DNAH12: variants seen among roughly 807,000 people sequenced by gnomAD.
DNAH12 encodes axonemal beta dynein heavy chain 12.
Under a neutral mutation model 371.5 loss-of-function variants are expected in DNAH12, and 285 were observed. The ratio of observed to expected loss-of-function variants is 0.77; its 90% CI spans 0.70 to 0.85. The LOEUF is 0.85. Among genes scored for constraint, DNAH12 ranks in the 40% least tolerant of loss-of-function variants. DNAH12 has a pLI of 0.00. For synonymous variants in DNAH12, 1,200 were observed against 1,213.0 expected, an observed-to-expected ratio of 0.99 and a Z score of 0.22; for missense variants, 3,611 against 3,689.4, an observed-to-expected ratio of 0.98 and a Z score of 0.55.
chr3:57,403,967 C>A (rs1553680072), intron 42 of DNAH12, among the ~76,000 whole-genome samples: 1 of 152,150 alleles, frequency 6.6e-6, no homozygotes, highest in African/African-American at 2.4e-5. Flanking sequence ...CTTACAGTAT[C>A]TGCCAGTCCT....
chr3:57,377,601 G>GTT (rs1417935871), intron 52 of DNAH12, among the ~76,000 whole-genome samples: 2 of 148,104 alleles, frequency 1.4e-5, no homozygotes, highest in Non-Finnish European at 3.0e-5. Context: ...TGTTTTGGGT[G>GTT]TTTTTTTTTT....
chr3:57,322,390 G>A lies in DNAH12; in HGVS notation c.10477C>T (p.Pro3493Ser), dbSNP rs1344628203. The A allele has an allele frequency of 6.4e-7, 1 of 1,551,926 alleles. No homozygotes were observed. Among genetic ancestry groups the A allele is most frequent in the South Asian group, 1.2e-5 (1 of 84,026 alleles). Residue 3493 changes from proline (P) to serine (S), a missense_variant, in exon 65 of 74, where the codon CCA (proline) becomes TCA (serine). By Grantham distance (74) the Pro-to-Ser change is moderately conservative (BLOSUM62 -1). This residue lies in a region of DNAH12 where 2,266 missense variants were observed against 2,236.9 expected (regional missense o/e 1.01). Coordinates refer to ENST00000495027, the MANE Select transcript of DNAH12 (RefSeq NM_001366028.2). ...LNLLQSYLTDPVSDPEFFKGC... is the reference protein window; with the variant it reads ...LNLLQSYLTDSVSDPEFFKGC... Reference sequence around the variant, plus strand: ...TTGAAAAACTCAGGATCAGAAACTGGATCAGTGAGATATGATTGAAGGAGA... The same window carrying A: ...TTGAAAAACTCAGGATCAGAAACTGAATCAGTGAGATATGATTGAAGGAGA...
chr3:57,474,402 T>C (rs890032722), intron 13 of DNAH12, among the ~76,000 whole-genome samples: 24 of 152,162 alleles, frequency 1.6e-4, no homozygotes, highest in Admixed American at 1.5e-3. Flanking sequence ...GTTCAAGCGA[T>C]TCTCTTGCCT....
At chr3:57,467,765 T>C (rs2066248894) in intron 17 of DNAH12, among the ~76,000 whole-genome samples, 1 of 152,130 alleles carries the variant, frequency 6.6e-6, no homozygotes, top group African/African-American at 2.4e-5. Flanking sequence ...TGCCCCAGTT[T>C]TGCCAGATCT....
chr3:57,518,990 G>A (rs1208996755), intron 4 of DNAH12, among the ~76,000 whole-genome samples: 1 of 152,304 alleles, frequency 6.6e-6, no homozygotes, highest in East Asian at 1.9e-4. Context: ...AGAAATAATA[G>A]AGAACCAGAT....
At chr3:57,339,519 C>G (rs1161537833) in intron 60 of DNAH12, among the ~76,000 whole-genome samples, 2 of 151,946 alleles carry the variant, frequency 1.3e-5, no homozygotes, top group African/African-American at 4.8e-5. Context: ...TTCTACTGTT[C>G]TGTAGCACTG....
intron 13 of DNAH12, among the ~76,000 whole-genome samples, chr3:57,475,712 T>C (rs576952871): frequency 5.9e-5 from 9 of 151,776 alleles, no homozygotes; most frequent in Non-Finnish European, 1.3e-4. Flanking sequence ...ATTCATTTCT[T>C]TTTAGGAAAA....
chr3:57,324,421 T>C (rs535353656), intron 62 of DNAH12, among the ~76,000 whole-genome samples: 10 of 152,204 alleles, frequency 6.6e-5, no homozygotes, highest in Non-Finnish European at 1.5e-4. Flanking sequence ...CCATGATATC[T>C]TGATATTTGG....
intron 37 of DNAH12, among the ~76,000 whole-genome samples, chr3:57,416,339 G>A (rs1217729676): frequency 6.6e-6 from 1 of 152,084 alleles, no homozygotes; most frequent in African/African-American, 2.4e-5. Context: ...TGATCCTCTT[G>A]TCCCAGCCTC....
At chr3:57,408,220 T>C (rs1007168501) in intron 40 of DNAH12, 60 bp downstream of exon 40, 2 of 1,433,004 alleles carry the variant, frequency 1.4e-6, no homozygotes, top group Non-Finnish European at 1.8e-6. Context: ...AAAAATAAAA[T>C]AAGCGCCAAA....
chr3:57,347,622 A>G (rs2062572181), intron 60 of DNAH12, among the ~76,000 whole-genome samples: 1 of 151,608 alleles, frequency 6.6e-6, no homozygotes. Context: ...AGGCTGAGGC[A>G]GGAGAATCGA....
chr3:57,351,706 T>C (rs1575491204), intron 60 of DNAH12, among the ~76,000 whole-genome samples: 2 of 152,188 alleles, frequency 1.3e-5, no homozygotes, highest in Admixed American at 6.5e-5. Context: ...AATATATATA[T>C]ATGTCAAGCT....
At chr3:57,455,042 C>G in intron 22 of DNAH12, 148 bp from the exon 23 acceptor site, 1 of 686,232 alleles carries the variant, frequency 1.5e-6, no homozygotes, top group Non-Finnish European at 2.1e-6. Flanking sequence ...TAAAAGACTC[C>G]CTCCAAATTT....
chr3:57,433,578 A>T, intron 31 of DNAH12, 67 bp downstream of exon 31: 1 of 1,534,136 alleles, frequency 6.5e-7, no homozygotes, highest in Non-Finnish European at 8.8e-7. Flanking sequence ...CTATGAAAAT[A>T]CTTCACGTTT....
intron 73 of DNAH12, among the ~76,000 whole-genome samples, chr3:57,294,475 CAA>C (rs2061191417): frequency 6.6e-6 from 1 of 152,038 alleles, no homozygotes; most frequent in African/African-American, 2.4e-5. Flanking sequence ...GCGCCCAGCC[CAA>C]GGCAAGTATT....
intron 70 of DNAH12, among the ~76,000 whole-genome samples, chr3:57,297,536 A>G (rs2061258097): frequency 6.6e-6 from 1 of 151,852 alleles, no homozygotes. Flanking sequence ...TTGTATTTCT[A>G]GTAGAGATGG....
chr3:57,436,050 GA>G (rs2065113135), intron 30 of DNAH12, among the ~76,000 whole-genome samples: 1 of 151,698 alleles, frequency 6.6e-6, no homozygotes, highest in African/African-American at 2.4e-5. Context: ...AATGGAAATG[GA>G]AAGACCTCTC....
At chr3:57,426,536 A>G (rs1443633825) in intron 34 of DNAH12, among the ~76,000 whole-genome samples, 7 of 152,044 alleles carry the variant, frequency 4.6e-5, no homozygotes, top group Non-Finnish European at 1.0e-4. Context: ...GGGAAAATCA[A>G]TAGATCCTGG....
chr3:57,353,192 A>G (rs2062722804), intron 59 of DNAH12, among the ~76,000 whole-genome samples: 1 of 152,246 alleles, frequency 6.6e-6, no homozygotes, highest in Non-Finnish European at 1.5e-5. Flanking sequence ...AAAAATGTTT[A>G]CAATAAGCAT....
Sources: allele counts gnomAD v4.1 joint callset (sites outside exome capture counted in the v4.1 genomes callset), GRCh38; gene constraint gnomAD v4.1.1; regional missense constraint gnomAD v4.1.1; transcripts MANE v1.5; gene names NCBI Gene and HGNC (gene_info 2026-07-23, HGNC 2026-07-21).